The following DENND1A variants were observed in gnomAD, a reference collection of about 807,000 sequenced individuals.
DENND1A encodes the protein DENN domain containing 1A, also known as DENN domain-containing protein 1A.
A neutral mutation model predicts 113.7 loss-of-function variants in DENND1A; 51 were observed. The observed-to-expected ratio is 0.45, with a 90% confidence interval of 0.36 to 0.57. The LOEUF (loss-of-function observed/expected upper bound fraction) is 0.57, where lower values mean the gene tolerates loss of function less well. Among genes scored for constraint, DENND1A ranks in the 20% least tolerant of loss-of-function variants. The pLI is 0.00. For missense variants in DENND1A, 1,258 were observed against 1,395.9 expected (o/e 0.90, Z 1.57); for synonymous variants, 565 against 570.8 (o/e 0.99, Z 0.14).
chr9:123,767,968 A>G (rs1005243526), intron 4 of DENND1A, among the ~76,000 whole-genome samples: 1 of 152,212 alleles, frequency 6.6e-6, no homozygotes, highest in Non-Finnish European at 1.5e-5. Flanking sequence ...CATACATTTT[A>G]TAAGTGGCTG....
intron 5 of DENND1A, among the ~76,000 whole-genome samples, chr9:123,728,105 CA>C (rs1184658717): frequency 1.6e-3 from 210 of 132,650 alleles, no homozygotes; most frequent in Admixed American, 1.4e-3. Flanking sequence ...GACTCTGTCT[CA>C]AAAAAAAAAA....
chr9:123,803,185 G>C (rs1334490941), intron 2 of DENND1A, among the ~76,000 whole-genome samples: 1 of 152,060 alleles, frequency 6.6e-6, no homozygotes, highest in African/African-American at 2.4e-5. Flanking sequence ...AGCTAACAGG[G>C]GGTCCATTTT....
At chr9:123,429,916 C>T (rs952467529) in intron 19 of DENND1A, among the ~76,000 whole-genome samples, 2 of 152,048 alleles carry the variant, frequency 1.3e-5, no homozygotes, top group Non-Finnish European at 1.5e-5. Flanking sequence ...AGACAACCTA[C>T]AGAATGGGAG....
chr9:123,398,790 C>T (rs1053126891), intron 21 of DENND1A, among the ~76,000 whole-genome samples: 2 of 150,096 alleles, frequency 1.3e-5, no homozygotes, highest in Admixed American at 6.7e-5. Flanking sequence ...GAAACCACCA[C>T]ACAGCATTTT....
chr9:123,562,328 C>G (rs2057806165), intron 12 of DENND1A, among the ~76,000 whole-genome samples: 2 of 152,258 alleles, frequency 1.3e-5, no homozygotes, highest in South Asian at 2.1e-4. Flanking sequence ...TCCTGTCCTG[C>G]TTGTGAACAT....
At chr9:123,913,528 A>G (rs1854455374) in intron 1 of DENND1A, among the ~76,000 whole-genome samples, 1 of 152,198 alleles carries the variant, frequency 6.6e-6, no homozygotes, top group African/African-American at 2.4e-5. Flanking sequence ...TTAAGGATAC[A>G]ATAAAAGCAA....
chr9:123,538,284 T>A (rs1056995650), intron 13 of DENND1A, among the ~76,000 whole-genome samples: 2 of 152,192 alleles, frequency 1.3e-5, no homozygotes, highest in Admixed American at 6.5e-5. Flanking sequence ...GTCTTGAATT[T>A]TAATTGGAAG....
intron 5 of DENND1A, among the ~76,000 whole-genome samples, chr9:123,730,360 C>G (rs1483965077): frequency 6.6e-6 from 1 of 152,112 alleles, no homozygotes; most frequent in Non-Finnish European, 1.5e-5. Flanking sequence ...ATCTATCCAT[C>G]TGACAAAGGG....
chr9:123,575,476 C>T (rs1377241886), intron 12 of DENND1A, among the ~76,000 whole-genome samples: 3 of 152,202 alleles, frequency 2.0e-5, no homozygotes, highest in Admixed American at 2.0e-4. Flanking sequence ...GAAGTCTCTG[C>T]ATGATTAGAG....
rs550020431 is a variant in DENND1A, at chr9:123,857,842, G to A, written c.88+21109C>T. 1.1e-4 allele frequency among the ~76,000 whole-genome samples: 17 copies of A among 151,976 alleles called. No individual in the cohort carries two copies. The South Asian group carries it at 2.1e-3, about 19-fold the overall frequency. ...CGGGAGGCCGAGGCGGGTGGATCACGAGGTCAGGAGATCGAGACCATCCTG... is the reference window on the plus strand; with the variant it reads ...CGGGAGGCCGAGGCGGGTGGATCACAAGGTCAGGAGATCGAGACCATCCTG... On this transcript the variant is annotated intron_variant, in intron 2 of 23. Transcript: ENST00000394215.
chr9:123,562,647 ATTGTT>A (rs1173088451), intron 12 of DENND1A, among the ~76,000 whole-genome samples: 2 of 152,242 alleles, frequency 1.3e-5, no homozygotes, highest in Admixed American at 6.5e-5. Flanking sequence ...TACACACTTG[ATTGTT>A]TTGATTATCC....
intron 10 of DENND1A, among the ~76,000 whole-genome samples, chr9:123,613,712 G>A (rs1055451086): frequency 6.6e-6 from 1 of 152,218 alleles, no homozygotes; most frequent in African/African-American, 2.4e-5. Context: ...AATTAAAGTG[G>A]TGATAATATT....
rs1179091644 is a variant in DENND1A, at chr9:123,383,933, C to T, written c.1761-20G>A. The T allele has an allele frequency of 8.1e-6, 13 of 1,595,722 alleles. No homozygotes were observed. The highest frequency in any genetic ancestry group is 1.1e-5 in the Non-Finnish European group (13 of 1,173,264). The stretch of plus-strand genomic sequence containing the variant: ...TGCGGCCTGTCGGGGACAGAGCAGG[C>T]TGCACTCTCCCACCCAGGCCTTCAG... On this transcript the variant is annotated intron_variant, in intron 22 of 23. Coordinates refer to ENST00000394215, the MANE Select transcript of DENND1A (RefSeq NM_001352964.2).
chr9:123,715,732 A>G (rs7044843), intron 5 of DENND1A, among the ~76,000 whole-genome samples: 31,269 of 151,966 alleles, frequency 0.21, 3,470 homozygotes, highest in African/African-American at 0.29. Context: ...ATGGCCCAGC[A>G]TGGAGTGTGG....
intron 19 of DENND1A, among the ~76,000 whole-genome samples, chr9:123,421,940 C>T (rs2045342118): frequency 6.6e-6 from 1 of 152,182 alleles, no homozygotes; most frequent in Non-Finnish European, 1.5e-5. Context: ...CCCTCACGGG[C>T]CATGGCCCTT....
chr9:123,788,341 T>C (rs2131978602), intron 3 of DENND1A, among the ~76,000 whole-genome samples: 1 of 152,278 alleles, frequency 6.6e-6, no homozygotes, highest in East Asian at 1.9e-4. Context: ...TAATAAAGGC[T>C]CATGTTTTTT....
chr9:123,496,677 C>T (rs1249105842), intron 13 of DENND1A, among the ~76,000 whole-genome samples: 1 of 152,206 alleles, frequency 6.6e-6, no homozygotes, highest in Non-Finnish European at 1.5e-5. Flanking sequence ...GCGCAAATAT[C>T]CTGTGAATCG....
chr9:123,669,344 T>C (rs1280533113), intron 7 of DENND1A, among the ~76,000 whole-genome samples: 1 of 152,144 alleles, frequency 6.6e-6, no homozygotes, highest in Non-Finnish European at 1.5e-5. Context: ...CAGATGCAAT[T>C]GATAGTAAAT....
At chr9:123,853,572 G>A (rs1843704611) in intron 2 of DENND1A, among the ~76,000 whole-genome samples, 2 of 152,098 alleles carry the variant, frequency 1.3e-5, no homozygotes. Context: ...GCTGAGGCAT[G>A]AGAATCACTT....
Sources: gnomAD v4.1 joint callset for allele counts (sites outside exome capture counted in the v4.1 genomes callset) on GRCh38, gnomAD v4.1.1 for gene constraint, MANE v1.5 for transcripts, NCBI Gene and HGNC (gene_info 2026-07-23, HGNC 2026-07-21) for gene names.